The following RORB variants were observed in gnomAD, a reference collection of about 807,000 sequenced individuals.
The protein encoded by RORB is RAR related orphan receptor B, also known as nuclear receptor ROR-beta.
RORB carries 6 observed loss-of-function variants against 59.1 expected under a neutral mutation model. The ratio of observed to expected loss-of-function variants is 0.10; its 90% CI spans 0.06 to 0.20. The LOEUF is 0.20. RORB is among the 10% of genes least tolerant of loss of function. The pLI is 1.00. For synonymous variants in RORB, 215 were observed against 204.5 expected (o/e 1.05, Z -0.44); for missense variants, 320 against 560.5 (o/e 0.57, Z 4.33).
chr9:74,616,021 TA>T lies in RORB; in HGVS notation c.8-14253del, dbSNP rs549508725. On this transcript the variant is annotated intron_variant, in intron 1 of 9. Coordinates refer to ENST00000376896, the MANE Select transcript of RORB (RefSeq NM_006914.4). ...CATGTTGATTTTATTTTTCTAAGTT[TA>T]AAAAAAATCTATTTGATTTATATAT... 2.4e-3 allele frequency among the ~76,000 whole-genome samples: 368 copies of T among 152,182 alleles called. 3 individuals carry two copies. The highest frequency in any genetic ancestry group is 8.5e-3 in the African/African-American group (354 of 41,546).
At chr9:74,630,250 G>A (rs368255978) in intron 1 of RORB, 32 bp from the exon 2 acceptor site, 38 of 1,608,336 alleles carry the variant, frequency 2.4e-5, no homozygotes, top group Non-Finnish European at 3.1e-5. Context: ...GAAAACATCT[G>A]TATGCTCAAA....
intron 2 of RORB, among the ~76,000 whole-genome samples, chr9:74,633,587 G>A (rs1490017302): frequency 6.6e-6 from 1 of 152,182 alleles, no homozygotes; most frequent in African/African-American, 2.4e-5. Context: ...TCGATTACAT[G>A]AGTCAGTGAA....
chr9:74,600,389 T>C (rs1215106141), intron 1 of RORB, among the ~76,000 whole-genome samples: 2 of 152,216 alleles, frequency 1.3e-5, no homozygotes, highest in African/African-American at 4.8e-5. Context: ...GAAGGTCATG[T>C]TCAAAGTGAA....
chr9:74,587,461 G>A (rs997352437), intron 1 of RORB, among the ~76,000 whole-genome samples: 1 of 152,060 alleles, frequency 6.6e-6, no homozygotes, highest in Non-Finnish European at 1.5e-5. Flanking sequence ...TAGCCTTACT[G>A]TCTCTTAAAC....
chr9:74,640,194 TA>T (rs1287662511), intron 3 of RORB, among the ~76,000 whole-genome samples: 1 of 152,086 alleles, frequency 6.6e-6, no homozygotes, highest in African/African-American at 2.4e-5. Context: ...ACTTAGGCAG[TA>T]TCAGAAAGCC....
At chr9:74,528,157 A>G (rs1826182068) in intron 1 of RORB, among the ~76,000 whole-genome samples, 1 of 152,030 alleles carries the variant, frequency 6.6e-6, no homozygotes, top group Non-Finnish European at 1.5e-5. Context: ...AGGATCAGAG[A>G]GACCTTGAAG....
chr9:74,595,555 T>G (rs1353115330), intron 1 of RORB, among the ~76,000 whole-genome samples: 1 of 152,190 alleles, frequency 6.6e-6, no homozygotes, highest in East Asian at 1.9e-4. Flanking sequence ...ATCGATGAGG[T>G]GGAGAGAGCA....
At chr9:74,635,964 A>G (rs1004278195) in intron 3 of RORB, among the ~76,000 whole-genome samples, 16 of 152,048 alleles carry the variant, frequency 1.1e-4, no homozygotes, top group Non-Finnish European at 2.2e-4. Flanking sequence ...ACCAAAAAAA[A>G]AAAAAAAACA....
chr9:74,593,669 A>G (rs979208958), intron 1 of RORB, among the ~76,000 whole-genome samples: 4 of 152,106 alleles, frequency 2.6e-5, no homozygotes, highest in African/African-American at 7.2e-5. Context: ...AGTCCTCCAT[A>G]AGAAGGGGTG....
intron 1 of RORB, among the ~76,000 whole-genome samples, chr9:74,611,641 G>A (rs1451153379): frequency 1.3e-5 from 2 of 151,972 alleles, no homozygotes; most frequent in African/African-American, 4.8e-5. Context: ...TCCATTCTTG[G>A]TTTATTTGTT....
chr9:74,556,108 G>C (rs1220701802), intron 1 of RORB, among the ~76,000 whole-genome samples: 1 of 152,172 alleles, frequency 6.6e-6, no homozygotes, highest in Non-Finnish European at 1.5e-5. Context: ...TTTTGATGCT[G>C]ATATAACATA....
chr9:74,567,581 G>A (rs1211240412), intron 1 of RORB, among the ~76,000 whole-genome samples: 1 of 152,086 alleles, frequency 6.6e-6, no homozygotes, highest in East Asian at 1.9e-4. Flanking sequence ...GGGGAAATGA[G>A]GGTCTCCACT....
At chr9:74,638,308 T>G (rs1167103090) in intron 3 of RORB, among the ~76,000 whole-genome samples, 3 of 152,222 alleles carry the variant, frequency 2.0e-5, no homozygotes, top group African/African-American at 7.2e-5. Flanking sequence ...AAACTTCTAT[T>G]CCATTTAGAA....
intron 1 of RORB, among the ~76,000 whole-genome samples, chr9:74,615,903 C>T (rs1427764322): frequency 2.0e-5 from 3 of 152,118 alleles, no homozygotes; most frequent in Non-Finnish European, 4.4e-5. Context: ...AAATTCAAGT[C>T]GTTATCCACC....
chr9:74,554,396 T>C (rs928774827), intron 1 of RORB, among the ~76,000 whole-genome samples: 3 of 152,126 alleles, frequency 2.0e-5, no homozygotes, highest in Non-Finnish European at 2.9e-5. Flanking sequence ...GGGAAAGATA[T>C]GCTTCACCGA....
intron 1 of RORB, among the ~76,000 whole-genome samples, chr9:74,521,898 A>G (rs1485551351): frequency 1.3e-5 from 2 of 151,806 alleles, no homozygotes; most frequent in Non-Finnish European, 2.9e-5. Context: ...AGGACTAGTG[A>G]AGCAACATTG....
chr9:74,641,745 A>T lies in RORB; in HGVS notation c.236-669A>T, dbSNP rs10283824. On this transcript the variant is annotated intron_variant, in intron 3 of 9. Transcript: ENST00000376896. ...GCAAGGCCCCGGCTCTACAAAAATT[A>T]AAAAAAAAAAAAATAGCTGGACCTG... 5.4e-3 allele frequency among the ~76,000 whole-genome samples: 754 copies of T among 139,320 alleles called. 14 individuals are homozygous for T. Among genetic ancestry groups the T allele is most frequent in the African/African-American group, 0.019 (725 of 37,792 alleles). 91.4% of individuals were successfully genotyped at this position (139,320 alleles called of 152,430 possible).
chr9:74,672,012 C>A (rs1824354602), intron 9 of RORB, 111 bp downstream of exon 9: 2 of 597,116 alleles, frequency 3.3e-6, no homozygotes, highest in Non-Finnish European at 6.0e-6. Flanking sequence ...CTGAAAGTTA[C>A]CAAAGACTGC....
rs545275639 is a variant in RORB at position 74,677,712 on chromosome 9, C to T, written c.1224+5811C>T. On this transcript the variant is annotated intron_variant, in intron 9 of 9. Coordinates refer to ENST00000376896, the MANE Select transcript of RORB (RefSeq NM_006914.4). ...TCCAGGTGAGGAACCTGAGCATTACCTTCAGCTTTCAGGTGAGACACTATC... is the reference window on the plus strand; with the variant it reads ...TCCAGGTGAGGAACCTGAGCATTACTTTCAGCTTTCAGGTGAGACACTATC... Among the ~76,000 whole-genome samples, 82 of 152,320 alleles carry T rather than the reference C, an allele frequency of 5.4e-4. No individual in the cohort carries two copies. In the South Asian group the frequency reaches 0.017, roughly 32 times the overall value.
Sources: gnomAD v4.1 joint callset for allele counts (sites outside exome capture counted in the v4.1 genomes callset) on GRCh38, gnomAD v4.1.1 for gene constraint, MANE v1.5 for transcripts, NCBI Gene and HGNC (gene_info 2026-07-23, HGNC 2026-07-21) for gene names.